The following CCDC170 variants were observed in gnomAD, a reference collection of about 807,000 sequenced individuals.
The protein encoded by CCDC170 is coiled-coil domain containing 170, also known as coiled-coil domain-containing protein 170.
Under a neutral mutation model 72.6 loss-of-function variants are expected in CCDC170, and 69 were observed. The ratio of observed to expected loss-of-function variants is 0.95; its 90% CI spans 0.78 to 1.16. The LOEUF (loss-of-function observed/expected upper bound fraction) is 1.16. Among genes scored for constraint, CCDC170 ranks in the 50% most tolerant of loss-of-function variants. The pLI is 0.00. For synonymous variants in CCDC170, 300 were observed against 303.9 expected (o/e 0.99, Z 0.13); for missense variants, 852 against 832.5 (o/e 1.02, Z -0.29).
At chr6:151,507,193 C>A (rs1011649255) in intron 1 of CCDC170, among the ~76,000 whole-genome samples, 2 of 152,126 alleles carry the variant, frequency 1.3e-5, no homozygotes, top group African/African-American at 2.4e-5. Context: ...CTGGGAAGAG[C>A]CTGTTGTAGC....
intron 1 of CCDC170, among the ~76,000 whole-genome samples, chr6:151,529,135 T>C (rs1782455314): frequency 6.6e-6 from 1 of 152,240 alleles, no homozygotes; most frequent in Non-Finnish European, 1.5e-5. Context: ...AAAAACACAA[T>C]ACTTTTCCTC....
chr6:151,548,648 C>A (rs1782819270), intron 5 of CCDC170, among the ~76,000 whole-genome samples, 159 bp downstream of exon 5: 1 of 151,996 alleles, frequency 6.6e-6, no homozygotes, highest in African/African-American at 2.4e-5. Context: ...TTGGGGGTGA[C>A]ATGGGACAAA....
intron 1 of CCDC170, among the ~76,000 whole-genome samples, chr6:151,528,765 G>A (rs903202413): frequency 5.9e-5 from 9 of 151,776 alleles, no homozygotes; most frequent in Non-Finnish European, 1.3e-4. Context: ...TTGAATACAG[G>A]AGGTAGAGGT....
chr6:151,610,990 C>T (rs1349994508), intron 9 of CCDC170, among the ~76,000 whole-genome samples: 12 of 152,144 alleles, frequency 7.9e-5, no homozygotes, highest in Admixed American at 5.9e-4. Flanking sequence ...TGTCTGCCAT[C>T]GGCCTCCTCT....
intron 5 of CCDC170, among the ~76,000 whole-genome samples, chr6:151,562,714 G>T (rs1020896970): frequency 2.0e-5 from 3 of 152,194 alleles, no homozygotes; most frequent in Non-Finnish European, 4.4e-5. Context: ...GTATTTGGTA[G>T]TGCAGTTGAA....
chr6:151,567,424 G>A (rs1437977256), intron 5 of CCDC170, among the ~76,000 whole-genome samples: 1 of 151,984 alleles, frequency 6.6e-6, no homozygotes, highest in South Asian at 2.1e-4. Context: ...TAGAGACAGG[G>A]TTTCACCATG....
intron 5 of CCDC170, among the ~76,000 whole-genome samples, chr6:151,569,488 C>A (rs577873619): frequency 6.5e-4 from 99 of 152,358 alleles, no homozygotes; most frequent in Non-Finnish European, 1.3e-3. Flanking sequence ...TGATCCCCAT[C>A]ACAGTCTATA....
chr6:151,575,531 T>TC (rs1233152236), intron 6 of CCDC170, among the ~76,000 whole-genome samples: 2 of 112,452 alleles, frequency 1.8e-5, no homozygotes, highest in East Asian at 2.6e-4. Context: ...CTTTCTTTTT[T>TC]TTTTTTTTTT....
intron 5 of CCDC170, among the ~76,000 whole-genome samples, chr6:151,565,452 A>G (rs1427174725): frequency 6.6e-6 from 1 of 152,178 alleles, no homozygotes; most frequent in Non-Finnish European, 1.5e-5. Context: ...CTTTCCCTGC[A>G]TTGGGGAGCT....
chr6:151,528,736 G>A (rs922238479), intron 1 of CCDC170, among the ~76,000 whole-genome samples: 2 of 149,624 alleles, frequency 1.3e-5, no homozygotes, highest in African/African-American at 4.9e-5. Flanking sequence ...TACTTGGGAG[G>A]CTGAGGCAGG....
At chr6:151,495,329 TATTA>T (rs1392481080) in intron 1 of CCDC170, among the ~76,000 whole-genome samples, 2 of 152,182 alleles carry the variant, frequency 1.3e-5, no homozygotes, top group African/African-American at 2.4e-5. Context: ...TATTTGACTT[TATTA>T]ATTTTTATCC....
intron 4 of CCDC170, 74 bp from the exon 5 acceptor site, chr6:151,548,230 T>A: frequency 7.6e-7 from 1 of 1,307,562 alleles, no homozygotes; most frequent in Non-Finnish European, 1.0e-6. Flanking sequence ...ATGCAGTCTA[T>A]AGATGTGACT....
chr6:151,533,353 C>T (rs966179623), intron 1 of CCDC170, among the ~76,000 whole-genome samples: 3 of 151,906 alleles, frequency 2.0e-5, no homozygotes, highest in South Asian at 2.1e-4. Flanking sequence ...CGCACCTGGC[C>T]GACTATTTCA....
intron 5 of CCDC170, among the ~76,000 whole-genome samples, chr6:151,571,872 T>TTGAG (rs2115086987): frequency 6.6e-6 from 1 of 152,352 alleles, no homozygotes; most frequent in Non-Finnish European, 1.5e-5. Flanking sequence ...TGTTGTTATT[T>TTGAG]TGAGACAAGG....
chr6:151,507,246 G>C (rs1228515903), intron 1 of CCDC170, among the ~76,000 whole-genome samples: 1 of 151,988 alleles, frequency 6.6e-6, no homozygotes, highest in Non-Finnish European at 1.5e-5. Flanking sequence ...CCAATCCATC[G>C]GTGCTCACGG....
intron 1 of CCDC170, among the ~76,000 whole-genome samples, chr6:151,505,663 G>A (rs1034328902): frequency 2.0e-5 from 3 of 151,566 alleles, no homozygotes; most frequent in Non-Finnish European, 2.9e-5. Context: ...GAGCCCAGGC[G>A]ACAAAGCGAG....
chr6:151,554,948 G>T (rs1282988755), intron 5 of CCDC170, among the ~76,000 whole-genome samples: 1 of 136,894 alleles, frequency 7.3e-6, no homozygotes, highest in South Asian at 2.4e-4. Flanking sequence ...GTGTGACCTC[G>T]GCTCACTGTA....
chr6:151,513,613 C>CAAA (rs71014591), intron 1 of CCDC170, among the ~76,000 whole-genome samples: 7 of 46,008 alleles, frequency 1.5e-4, no homozygotes, highest in Non-Finnish European at 2.2e-4. Flanking sequence ...GGCTCCGTCT[C>CAAA]AAAAAAAAAA....
intron 10 of CCDC170, among the ~76,000 whole-genome samples, chr6:151,616,841 C>T (rs982242498): frequency 3.9e-5 from 6 of 152,136 alleles, no homozygotes; most frequent in Admixed American, 1.3e-4. Flanking sequence ...GGCAGCTCTC[C>T]GGGGCCTCTT....
Sources: gnomAD v4.1 joint callset for allele counts (sites outside exome capture counted in the v4.1 genomes callset) on GRCh38, gnomAD v4.1.1 for gene constraint, MANE v1.5 for transcripts, NCBI Gene and HGNC (gene_info 2026-07-23, HGNC 2026-07-21) for gene names.